CSMD1: variants seen among roughly 807,000 people sequenced by gnomAD.
CSMD1 encodes the protein CUB and Sushi multiple domains 1.
Under a neutral mutation model 417.5 loss-of-function variants are expected in CSMD1, and 213 were observed. That is an observed-to-expected ratio of 0.51 (90% CI 0.46 to 0.57). CSMD1 has a LOEUF of 0.57. Among genes scored for constraint, CSMD1 ranks in the 20% least tolerant of loss-of-function variants. CSMD1 has a pLI of 0.00. For synonymous variants in CSMD1, 2,862 were observed against 1,736.8 expected, an observed-to-expected ratio of 1.65 and a Z score of -16.11; for missense variants, 6,923 against 4,529.7, an observed-to-expected ratio of 1.53 and a Z score of -15.17.
At chr8:3,541,285 C>T (rs149135389) in intron 10 of CSMD1, among the ~76,000 whole-genome samples, 1 of 152,200 alleles carries the variant, frequency 6.6e-6, no homozygotes, top group Admixed American at 6.5e-5. Flanking sequence ...AACAGAAAAC[C>T]AAATACTGCA....
chr8:3,073,190 T>C (rs182006774), intron 49 of CSMD1, among the ~76,000 whole-genome samples: 80 of 152,262 alleles, frequency 5.3e-4, no homozygotes, highest in African/African-American at 1.9e-3. Context: ...TATGAAAACA[T>C]ATTATTGTTA....
intron 1 of CSMD1, among the ~76,000 whole-genome samples, chr8:4,967,794 T>C (rs1414527073): frequency 6.6e-6 from 1 of 152,138 alleles, no homozygotes. Context: ...ACTGTTAGAA[T>C]TCACAGGGTC....
intron 1 of CSMD1, among the ~76,000 whole-genome samples, chr8:4,862,728 G>T (rs1243960491): frequency 6.6e-6 from 1 of 152,042 alleles, no homozygotes; most frequent in African/African-American, 2.4e-5. Context: ...AGGACGTCTG[G>T]GCCGGAAATA....
chr8:3,476,022 A>G (rs758733956), intron 11 of CSMD1, among the ~76,000 whole-genome samples: 1 of 152,208 alleles, frequency 6.6e-6, no homozygotes, highest in African/African-American at 2.4e-5. Context: ...AAATGGTTCA[A>G]TAGTTCTATT....
intron 6 of CSMD1, among the ~76,000 whole-genome samples, chr8:3,723,114 G>A (rs1751492769): frequency 6.6e-6 from 1 of 152,078 alleles, no homozygotes; most frequent in Admixed American, 6.5e-5. Context: ...TCAGGTTATT[G>A]GTGAAGTCCA....
intron 3 of CSMD1, among the ~76,000 whole-genome samples, chr8:4,096,368 G>C (rs1192422993): frequency 6.6e-6 from 1 of 152,032 alleles, no homozygotes; most frequent in East Asian, 1.9e-4. Context: ...GGGGCTCCCA[G>C]ACATGGCCTA....
chr8:3,257,947 C>G (rs1800781775), intron 26 of CSMD1, among the ~76,000 whole-genome samples: 1 of 152,108 alleles, frequency 6.6e-6, no homozygotes, highest in South Asian at 2.1e-4. Context: ...CCACTGTGTT[C>G]AGGACAGACC....
At chr8:3,315,458 G>GTGTA (rs897554425) in intron 23 of CSMD1, among the ~76,000 whole-genome samples, 1 of 149,236 alleles carries the variant, frequency 6.7e-6, no homozygotes, top group Non-Finnish European at 1.5e-5. Flanking sequence ...GTGTGTGTGT[G>GTGTA]TGTGATTTTT....
chr8:4,690,155 T>G (rs1227374336), intron 1 of CSMD1, among the ~76,000 whole-genome samples: 1 of 152,220 alleles, frequency 6.6e-6, no homozygotes, highest in Non-Finnish European at 1.5e-5. Context: ...TGCTCATAAT[T>G]TAAGATTACC....
intron 57 of CSMD1, among the ~76,000 whole-genome samples, chr8:2,972,456 T>A (rs1433024870): frequency 6.6e-6 from 1 of 152,200 alleles, no homozygotes; most frequent in East Asian, 1.9e-4. Context: ...GAATTCTAAA[T>A]CGGGTTTTGA....
chr8:3,273,654 G>C (rs918545552), intron 26 of CSMD1, among the ~76,000 whole-genome samples: 1 of 152,172 alleles, frequency 6.6e-6, no homozygotes, highest in Non-Finnish European at 1.5e-5. Flanking sequence ...TCCTGGTTTA[G>C]TCTTGGGAGA....
At chr8:3,885,411 A>G (rs772351340) in intron 5 of CSMD1, among the ~76,000 whole-genome samples, 8 of 152,192 alleles carry the variant, frequency 5.3e-5, no homozygotes, top group African/African-American at 7.2e-5. Context: ...TATGAGGACA[A>G]TATCCCATCA....
Position 4,338,199 on chromosome 8 carries a change from G to C in CSMD1, c.415+81754C>G, listed in dbSNP as rs560343621. Among the ~76,000 whole-genome samples, 730 of 152,228 alleles carry C rather than the reference G, an allele frequency of 4.8e-3. 2 individuals are homozygous for C. The highest frequency in any genetic ancestry group is 0.012 in the South Asian group (57 of 4,822). On this transcript the variant is annotated intron_variant, in intron 3 of 69. Transcript: ENST00000635120. ...TGGTACTAATGCAAGAGTTAGATTA[G>C]AGATGCATGTCATAGTTCTTGCATA...
At chr8:4,799,881 T>G (rs1037632637) in intron 1 of CSMD1, among the ~76,000 whole-genome samples, 16 of 152,026 alleles carry the variant, frequency 1.1e-4, no homozygotes, top group Non-Finnish European at 2.2e-4. Flanking sequence ...ACTCAAACAT[T>G]CAACAGACCT....
intron 5 of CSMD1, among the ~76,000 whole-genome samples, chr8:3,970,973 A>G (rs1433910114): frequency 6.6e-6 from 1 of 152,114 alleles, no homozygotes; most frequent in Non-Finnish European, 1.5e-5. Flanking sequence ...CTGGTCTCGA[A>G]GTCCTGACCT....
At chr8:2,971,779 A>G (rs534959049) in intron 57 of CSMD1, among the ~76,000 whole-genome samples, 7 of 152,338 alleles carry the variant, frequency 4.6e-5, no homozygotes, top group African/African-American at 1.4e-4. Context: ...ACTTCAGTTA[A>G]AAACAAAAGT....
At chr8:3,421,228 A>C (rs1358140492) in intron 12 of CSMD1, among the ~76,000 whole-genome samples, 1 of 152,186 alleles carries the variant, frequency 6.6e-6, no homozygotes, top group Admixed American at 6.5e-5. Context: ...AGAGTCATTA[A>C]AGTATAAAAG....
At chr8:3,155,358 G>GTTTTTTTTTTTT (rs763097673) in intron 39 of CSMD1, among the ~76,000 whole-genome samples, 31 of 48,100 alleles carry the variant, frequency 6.4e-4, no homozygotes, top group East Asian at 9.8e-4. Flanking sequence ...TCAAGGCTGG[G>GTTTTTTTTTTTT]ATTTTTTTTT....
At chr8:3,716,216 G>A (rs1256632445) in intron 6 of CSMD1, among the ~76,000 whole-genome samples, 2 of 152,120 alleles carry the variant, frequency 1.3e-5, no homozygotes, top group Non-Finnish European at 2.9e-5. Context: ...TTGCCATACT[G>A]TGGCTGGAAA....
Sources: gnomAD v4.1 joint callset for allele counts (sites outside exome capture counted in the v4.1 genomes callset) on GRCh38, gnomAD v4.1.1 for gene constraint, MANE v1.5 for transcripts, NCBI Gene and HGNC (gene_info 2026-07-23, HGNC 2026-07-21) for gene names.